Variants in CNTN1 observed in about 807,000 individuals in gnomAD.
The protein encoded by CNTN1 is contactin-1.
Under a neutral mutation model 126.4 loss-of-function variants are expected in CNTN1, and 38 were observed. The ratio of observed to expected loss-of-function variants is 0.30; its 90% CI spans 0.23 to 0.39. The LOEUF is 0.39. Ranked by LOEUF, CNTN1 falls within the 10% of genes least tolerant of loss-of-function variation. The pLI, the probability that CNTN1 is intolerant of heterozygous loss-of-function variation, is 1.00. For missense variants in CNTN1, 1,009 were observed against 1,248.4 expected (o/e 0.81, Z 2.89); for synonymous variants, 413 against 422.6 (o/e 0.98, Z 0.28).
At chr12:40,911,600 G>A (rs1473980168) in intron 3 of CNTN1, among the ~76,000 whole-genome samples, 1 of 152,158 alleles carries the variant, frequency 6.6e-6, no homozygotes, top group Non-Finnish European at 1.5e-5. Context: ...CCTCATTCAT[G>A]TCTCTAATGT....
intron 1 of CNTN1, among the ~76,000 whole-genome samples, chr12:40,755,190 C>CAAAAA (rs557970110): frequency 6.4e-5 from 5 of 78,200 alleles, no homozygotes; most frequent in African/African-American, 2.2e-4. Context: ...GACCCCACCT[C>CAAAAA]AAAAAAAAAA....
At chr12:40,699,992 AC>A (rs1297981089) in intron 1 of CNTN1, among the ~76,000 whole-genome samples, 1 of 152,202 alleles carries the variant, frequency 6.6e-6, no homozygotes, top group Non-Finnish European at 1.5e-5. Flanking sequence ...TTGCATTATT[AC>A]CTATATAGGG....
intron 23 of CNTN1, among the ~76,000 whole-genome samples, chr12:41,063,931 T>C (rs1041835128): frequency 1.3e-5 from 2 of 151,940 alleles, no homozygotes; most frequent in Non-Finnish European, 2.9e-5. Context: ...AATCCCAGCA[T>C]TTTGGGAAGC....
chr12:40,747,737 A>T (rs1430205408), intron 1 of CNTN1, among the ~76,000 whole-genome samples: 2 of 152,160 alleles, frequency 1.3e-5, no homozygotes, highest in African/African-American at 4.8e-5. Context: ...AAGAAAAATT[A>T]GCCATATTAA....
chr12:41,003,850 TTAGTC>T (rs1471309401), intron 17 of CNTN1, among the ~76,000 whole-genome samples: 1 of 152,140 alleles, frequency 6.6e-6, no homozygotes, highest in Admixed American at 6.5e-5. Flanking sequence ...CTTTTCTTCA[TTAGTC>T]TAGTTAGCAG....
chr12:40,922,405 C>A lies in CNTN1; in HGVS notation c.377C>A (p.Thr126Asn). The A allele has an allele frequency of 6.2e-7, 1 of 1,614,002 alleles. No homozygotes were observed. Among genetic ancestry groups the A allele is most frequent in the South Asian group, 1.1e-5 (1 of 91,088 alleles). The change falls in exon 5 of 24, where the codon ACT (threonine) becomes AAT (asparagine). Residue 126 changes from threonine (T) to asparagine (N), a missense_variant. By Grantham distance (65) the Thr-to-Asn change is moderately conservative. Coordinates refer to ENST00000551295, the MANE Select transcript of CNTN1 (RefSeq NM_001843.4). ...AATAACTACGGGATGGTCAGAAGCA[C>A]TGAAGCAACCCTGAGCTTTGGATGT... Reference protein sequence around the residue: ...ASNNYGMVRSTEATLSFGYLD... With the variant: ...ASNNYGMVRSNEATLSFGYLD...
chr12:40,879,642 G>A (rs1943805407), intron 1 of CNTN1, among the ~76,000 whole-genome samples: 1 of 151,998 alleles, frequency 6.6e-6, no homozygotes, highest in Non-Finnish European at 1.5e-5. Flanking sequence ...CAGCAAGGAG[G>A]GAGATTACAG....
chr12:40,964,286 A>C (rs1947216203), intron 15 of CNTN1, among the ~76,000 whole-genome samples: 1 of 152,204 alleles, frequency 6.6e-6, no homozygotes, highest in East Asian at 1.9e-4. Context: ...CAAAAGAAAA[A>C]GAAAACGACT....
intron 1 of CNTN1, among the ~76,000 whole-genome samples, chr12:40,889,132 T>G (rs1231571814): frequency 6.6e-6 from 1 of 152,236 alleles, no homozygotes; most frequent in Non-Finnish European, 1.5e-5. Flanking sequence ...GGAAATTCAC[T>G]TCCTATCTGT....
Position 40,916,400 on chromosome 12 carries a change from G to A in CNTN1, c.95-2239G>A, listed in dbSNP as rs191015586. On this transcript the variant is annotated intron_variant, in intron 3 of 23. Coordinates refer to ENST00000551295, the MANE Select transcript of CNTN1 (RefSeq NM_001843.4). ...AATTGTCCAACTGAGAAGAAAAATA[G>A]CGTATGATTTTTATCAGAGATAAGC... 1.6e-4 allele frequency among the ~76,000 whole-genome samples: 25 copies of A among 152,150 alleles called. No individual in the cohort carries two copies. The East Asian group carries it at 4.4e-3, about 27-fold the overall frequency.
In CNTN1 at chr12:40,831,011, TATATA is replaced by T. The variant is rs534163976; in HGVS notation, c.-76-77345_-76-77341del. Among the ~76,000 whole-genome samples the T allele has an allele frequency of 6.5e-3, 923 of 142,256 alleles. 10 individuals carry two copies. The highest frequency in any genetic ancestry group is 0.02 in the African/African-American group (797 of 38,942). 93.3% of individuals were successfully genotyped at this position (142,256 alleles called of 152,430 possible). A position where few individuals can be genotyped will look rare whatever the true frequency, so the allele number is the denominator to read the frequency against. ...ATGAAACATATATACTATAAGTTAA[TATATA>T]GTATAGTATATATATTTACAGTATA... On this transcript the variant is annotated intron_variant, in intron 1 of 23. Coordinates refer to ENST00000551295, the MANE Select transcript of CNTN1 (RefSeq NM_001843.4).
intron 1 of CNTN1, among the ~76,000 whole-genome samples, chr12:40,722,642 C>T (rs1942247397): frequency 6.6e-6 from 1 of 151,938 alleles, no homozygotes; most frequent in Non-Finnish European, 1.5e-5. Flanking sequence ...ACACACTATC[C>T]ATGTTTTATA....
chr12:40,917,616 C>T (rs10506179), intron 3 of CNTN1, among the ~76,000 whole-genome samples: 103,744 of 151,998 alleles, frequency 0.68, 36,104 homozygotes, highest in African/African-American at 0.83. Flanking sequence ...GAGGAGTGAA[C>T]CATCGCTTAG....
At chr12:40,733,025 G>A (rs1183290289) in intron 1 of CNTN1, among the ~76,000 whole-genome samples, 7 of 151,884 alleles carry the variant, frequency 4.6e-5, no homozygotes, top group Non-Finnish European at 8.8e-5. Context: ...TAATCAGTAC[G>A]GAGCCTAGAA....
chr12:40,904,141 C>T (rs1219600393), intron 1 of CNTN1, among the ~76,000 whole-genome samples: 2 of 152,200 alleles, frequency 1.3e-5, no homozygotes, highest in Admixed American at 1.3e-4. Flanking sequence ...GCCTCAGCCT[C>T]CCGAGTAGCT....
At chr12:40,867,705 G>A (rs951446129) in intron 1 of CNTN1, among the ~76,000 whole-genome samples, 1 of 152,042 alleles carries the variant, frequency 6.6e-6, no homozygotes, top group African/African-American at 2.4e-5. Context: ...CTCTGACAGT[G>A]AGGGAAGTCT....
At chr12:40,826,849 CAT>C (rs1196065813) in intron 1 of CNTN1, among the ~76,000 whole-genome samples, 2 of 151,998 alleles carry the variant, frequency 1.3e-5, no homozygotes, top group African/African-American at 4.8e-5. Flanking sequence ...GGTGGAATGA[CAT>C]AGAAATATGA....
intron 1 of CNTN1, among the ~76,000 whole-genome samples, chr12:40,870,513 A>G (rs1358706378): frequency 1.3e-5 from 2 of 152,168 alleles, no homozygotes; most frequent in Admixed American, 6.6e-5. Flanking sequence ...AAGGCACTCA[A>G]TCAGACAGAT....
At chr12:40,727,175 C>CA (rs1220446860) in intron 1 of CNTN1, among the ~76,000 whole-genome samples, 2 of 150,142 alleles carry the variant, frequency 1.3e-5, no homozygotes, top group South Asian at 4.2e-4. Flanking sequence ...AGGACAGTGT[C>CA]AAAAAAGGAA....
Sources: allele counts gnomAD v4.1 joint callset (sites outside exome capture counted in the v4.1 genomes callset), GRCh38; gene constraint gnomAD v4.1.1; transcripts MANE v1.5; gene names NCBI Gene and HGNC (gene_info 2026-07-23, HGNC 2026-07-21).